The following FHIT variants were observed in gnomAD, a reference collection of about 807,000 sequenced individuals.
FHIT encodes fragile histidine triad diadenosine triphosphatase.
In FHIT, 19 loss-of-function variants were observed where a neutral mutation model predicts 17.9. The ratio of observed to expected loss-of-function variants is 1.06; its 90% CI spans 0.74 to 1.56. FHIT has a LOEUF of 1.56. Among genes scored for constraint, FHIT ranks in the 40% most tolerant of loss-of-function variants. The pLI, the probability that FHIT is intolerant of heterozygous loss-of-function variation, is 0.00. For missense variants in FHIT, 248 were observed against 189.2 expected (o/e 1.31, Z -1.82); for synonymous variants, 81 against 69.7 (o/e 1.16, Z -0.81).
At position 60,744,257 on chromosome 3, in the gene FHIT, ACAAAACAAAAC is replaced by A. The variant is rs1425128777; in HGVS notation, c.-18+77651_-18+77661del. ...AATTGGAAGTAATGTAAAAAAAAAA[ACAAAACAAAAC>A]AAAAAAAAAAAAAAACAGAAAGAAA... On this transcript the variant is annotated intron_variant, in intron 4 of 9. Transcript: ENST00000492590. 1.9e-4 allele frequency among the ~76,000 whole-genome samples: 14 copies of A among 74,754 alleles called. 2 individuals carry two copies. Among genetic ancestry groups the A allele is most frequent in the Non-Finnish European group, 3.1e-4 (12 of 38,326 alleles). 49.0% of individuals were successfully genotyped at this position (74,754 alleles called of 152,430 possible). A position where few individuals can be genotyped will look rare whatever the true frequency, so the allele number is the denominator to read the frequency against.
In FHIT at chr3:61,073,932, A is replaced by G. The variant is rs369685841; in HGVS notation, c.-163-31833T>C. On this transcript the variant is annotated intron_variant, in intron 2 of 9. Transcript: ENST00000492590. ...GTCAAAGTAGTTAAAATGATGCTGT[A>G]AATACAGACTAAAACAAAGCAGCGG... Among the ~76,000 whole-genome samples the G allele has an allele frequency of 4.1e-3, 632 of 152,300 alleles. 6 individuals carry two copies. The highest frequency in any genetic ancestry group is 0.014 in the African/African-American group (589 of 41,570).
chr3:60,628,796 T>A (rs1201688063), intron 4 of FHIT, among the ~76,000 whole-genome samples: 1 of 152,180 alleles, frequency 6.6e-6, no homozygotes, highest in South Asian at 2.1e-4. Context: ...ATGAAATCAA[T>A]TCCTATGAGC....
chr3:60,238,527 A>G (rs1229453722), intron 5 of FHIT, among the ~76,000 whole-genome samples: 1 of 152,116 alleles, frequency 6.6e-6, no homozygotes, highest in African/African-American at 2.4e-5. Flanking sequence ...AGCATAAAAT[A>G]AAAGATTAAA....
intron 4 of FHIT, among the ~76,000 whole-genome samples, chr3:60,790,473 A>T (rs941155401): frequency 6.6e-6 from 1 of 152,204 alleles, no homozygotes; most frequent in Non-Finnish European, 1.5e-5. Context: ...AAGCTGCAGT[A>T]GTCTCCTGAG....
chr3:61,117,015 A>T (rs1006781124), intron 2 of FHIT, among the ~76,000 whole-genome samples: 3 of 152,214 alleles, frequency 2.0e-5, no homozygotes, highest in African/African-American at 7.2e-5. Context: ...CAAAATTATA[A>T]TGAAATTACA....
At chr3:59,864,226 G>T (rs1702531990) in intron 8 of FHIT, among the ~76,000 whole-genome samples, 1 of 152,132 alleles carries the variant, frequency 6.6e-6, no homozygotes, top group Admixed American at 6.5e-5. Flanking sequence ...ATTCCCACAT[G>T]CTGTGGGAGA....
chr3:60,714,833 C>T (rs1460527973), intron 4 of FHIT, among the ~76,000 whole-genome samples: 1 of 152,104 alleles, frequency 6.6e-6, no homozygotes, highest in Admixed American at 6.5e-5. Flanking sequence ...TAGGAAGAAT[C>T]AATAGCATGA....
At chr3:59,780,169 T>G (rs1487640288) in intron 8 of FHIT, among the ~76,000 whole-genome samples, 1 of 152,200 alleles carries the variant, frequency 6.6e-6, no homozygotes, top group African/African-American at 2.4e-5. Flanking sequence ...TCATAGACAC[T>G]CTTATCTCCT....
At chr3:59,977,467 C>A (rs556717525) in intron 7 of FHIT, among the ~76,000 whole-genome samples, 1 of 152,148 alleles carries the variant, frequency 6.6e-6, no homozygotes, top group Non-Finnish European at 1.5e-5. Flanking sequence ...GTAGAAGAAT[C>A]CACCATTGGC....
intron 4 of FHIT, among the ~76,000 whole-genome samples, chr3:60,775,105 T>TA (rs1413419124): frequency 2.0e-5 from 3 of 152,152 alleles, no homozygotes; most frequent in African/African-American, 2.4e-5. Context: ...ATTAGTTTTT[T>TA]AAAAAAACAC....
intron 3 of FHIT, among the ~76,000 whole-genome samples, chr3:60,825,771 C>T (rs1482393577): frequency 6.6e-6 from 1 of 152,114 alleles, no homozygotes; most frequent in Non-Finnish European, 1.5e-5. Context: ...AATTATCTTC[C>T]ACAAAACCAG....
At chr3:60,662,213 T>A (rs2040264368) in intron 4 of FHIT, among the ~76,000 whole-genome samples, 1 of 152,218 alleles carries the variant, frequency 6.6e-6, no homozygotes, top group Non-Finnish European at 1.5e-5. Context: ...AGTTGATTTT[T>A]GTGCAAAGTG....
chr3:60,631,252 A>G (rs538716239), intron 4 of FHIT, among the ~76,000 whole-genome samples: 1 of 152,296 alleles, frequency 6.6e-6, no homozygotes, highest in East Asian at 1.9e-4. Flanking sequence ...GTATAATATC[A>G]TTTTGATTTG....
At chr3:61,108,873 T>C (rs955802224) in intron 2 of FHIT, among the ~76,000 whole-genome samples, 2 of 152,212 alleles carry the variant, frequency 1.3e-5, no homozygotes, top group Non-Finnish European at 2.9e-5. Flanking sequence ...GGTTTCCTCT[T>C]TCCTGCTGAG....
intron 5 of FHIT, among the ~76,000 whole-genome samples, chr3:60,388,153 T>C (rs1254654553): frequency 6.6e-6 from 1 of 152,180 alleles, no homozygotes; most frequent in African/African-American, 2.4e-5. Flanking sequence ...TCTCAGGTAT[T>C]CTTTTACAGC....
chr3:60,582,969 C>G (rs2037793932), intron 4 of FHIT, among the ~76,000 whole-genome samples: 1 of 151,928 alleles, frequency 6.6e-6, no homozygotes, highest in Admixed American at 6.6e-5. Context: ...ATCTGCCTGA[C>G]TTCAAAACCA....
At chr3:61,005,680 G>C (rs946068602) in intron 3 of FHIT, among the ~76,000 whole-genome samples, 2 of 152,124 alleles carry the variant, frequency 1.3e-5, no homozygotes, top group African/African-American at 4.8e-5. Context: ...GTGCATGGCT[G>C]GGCCACTATG....
chr3:60,776,030 T>G (rs1176057253), intron 4 of FHIT, among the ~76,000 whole-genome samples: 2 of 152,162 alleles, frequency 1.3e-5, no homozygotes, highest in Non-Finnish European at 2.9e-5. Context: ...TAACTTAAAT[T>G]TTTTTTTCTT....
chr3:60,390,011 CAT>C (rs1201137836), intron 5 of FHIT, among the ~76,000 whole-genome samples: 1 of 152,136 alleles, frequency 6.6e-6, no homozygotes, highest in Non-Finnish European at 1.5e-5. Context: ...ACATTCCTTC[CAT>C]ATATCTCTCT....
Sources: allele counts gnomAD v4.1 joint callset (sites outside exome capture counted in the v4.1 genomes callset), GRCh38; gene constraint gnomAD v4.1.1; transcripts MANE v1.5; gene names NCBI Gene and HGNC (gene_info 2026-07-23, HGNC 2026-07-21).